The following FLRT2 variants were observed in gnomAD, a reference collection of about 807,000 sequenced individuals.
FLRT2 encodes the protein leucine-rich repeat transmembrane protein FLRT2.
Under a neutral mutation model 40.0 loss-of-function variants are expected in FLRT2, and 15 were observed. That is an observed-to-expected ratio of 0.38 (90% CI 0.25 to 0.58). The LOEUF (loss-of-function observed/expected upper bound fraction) is 0.58. Among genes scored for constraint, FLRT2 ranks in the 20% least tolerant of loss-of-function variants. The probability of loss-of-function intolerance (pLI) is 0.71; values close to 1 mark genes in which losing one functional copy is unlikely to be tolerated. For missense variants in FLRT2, 726 were observed against 840.0 expected, an observed-to-expected ratio of 0.86 and a Z score of 1.68; for synonymous variants, 380 against 336.8, an observed-to-expected ratio of 1.13 and a Z score of -1.41.
intron 1 of FLRT2, among the ~76,000 whole-genome samples, chr14:85,598,419 C>T (rs544153957): frequency 3.9e-5 from 6 of 152,142 alleles, no homozygotes; most frequent in Non-Finnish European, 8.8e-5. Context: ...AGCCATTATA[C>T]GGGAATTCTA....
chr14:85,586,886 G>C (rs1032358175), intron 1 of FLRT2, among the ~76,000 whole-genome samples: 4 of 152,170 alleles, frequency 2.6e-5, no homozygotes, highest in Admixed American at 2.6e-4. Flanking sequence ...CTCAAAGTCA[G>C]AAGAAAGAAG....
At chr14:85,545,042 T>C (rs573245167) in intron 1 of FLRT2, among the ~76,000 whole-genome samples, 16 of 152,258 alleles carry the variant, frequency 1.1e-4, no homozygotes, top group African/African-American at 3.8e-4. Flanking sequence ...ACACATGAGA[T>C]GATTTTTGAT....
chr14:85,550,682 A>G (rs1267441136), intron 1 of FLRT2, among the ~76,000 whole-genome samples: 1 of 152,196 alleles, frequency 6.6e-6, no homozygotes, highest in African/African-American at 2.4e-5. Flanking sequence ...TTTAAGGCTT[A>G]TCCACAATCT....
intron 1 of FLRT2, among the ~76,000 whole-genome samples, chr14:85,577,973 A>G (rs1595046966): frequency 6.6e-6 from 1 of 151,524 alleles, no homozygotes; most frequent in South Asian, 2.1e-4. Flanking sequence ...AATGGCTATC[A>G]CTGTCTCTGG....
intron 1 of FLRT2, among the ~76,000 whole-genome samples, chr14:85,584,062 A>G (rs1001330652): frequency 6.6e-6 from 1 of 151,642 alleles, no homozygotes; most frequent in African/African-American, 2.4e-5. Flanking sequence ...GGATTTATTT[A>G]TTTATCCCTC....
rs530354679 is a variant in FLRT2, at chr14:85,580,553, C to A, written c.-376-40586C>A. On this transcript the variant is annotated intron_variant, in intron 1 of 1. Transcript: ENST00000330753. ...TGGTTCATAAACCTTAATAGAGTTT[C>A]GTTAAAGTTAACGGTTTGTCTTAGT... 5.9e-5 allele frequency among the ~76,000 whole-genome samples: 9 copies of A among 152,214 alleles called. 1 individual carries two copies. The South Asian group carries it at 1.9e-3, about 32-fold the overall frequency.
chr14:85,600,151 C>T (rs1049426923), intron 1 of FLRT2, among the ~76,000 whole-genome samples: 4 of 152,026 alleles, frequency 2.6e-5, no homozygotes, highest in East Asian at 1.9e-4. Flanking sequence ...TTCATTTGGG[C>T]GATAAGAGGA....
intron 1 of FLRT2, among the ~76,000 whole-genome samples, chr14:85,575,188 G>A (rs1451855445): frequency 6.6e-6 from 1 of 152,192 alleles, no homozygotes; most frequent in Non-Finnish European, 1.5e-5. Flanking sequence ...CTAGCACAGA[G>A]CCTGCAATGG....
At position 85,621,834 on chromosome 14, in the gene FLRT2, T is replaced by G; in HGVS notation, c.320T>G (p.Leu107Arg). The part of the protein sequence containing the change: ...GNQLDEFPMN[L>R]PKNVRVLHLQ... ...CAACTGGACGAATTCCCCATGAACC[T>G]TCCCAAGAATGTCAGAGTTCTCCAT... Residue 107 changes from leucine to arginine, a missense_variant, in exon 2 of 2, where the codon CTT becomes CGT. Around this residue, in one of 3 missense-constraint regions of FLRT2, gnomAD observed 9 missense variants for 28.8 expected, o/e 0.31. Coordinates refer to ENST00000330753, the MANE Select transcript of FLRT2 (RefSeq NM_013231.6). The G allele has an allele frequency of 6.2e-7, 1 of 1,614,110 alleles. No individual in the cohort carries two copies. The highest frequency in any genetic ancestry group is 8.5e-7 in the Non-Finnish European group (1 of 1,180,004).
At chr14:85,544,839 T>C (rs1420097830) in intron 1 of FLRT2, among the ~76,000 whole-genome samples, 1 of 152,224 alleles carries the variant, frequency 6.6e-6, no homozygotes, top group Non-Finnish European at 1.5e-5. Flanking sequence ...TGCATGCAAG[T>C]GGTGTATTTG....
intron 1 of FLRT2, among the ~76,000 whole-genome samples, chr14:85,587,305 AG>A (rs879398490): frequency 0.046 from 6,804 of 149,404 alleles, 186 homozygotes; most frequent in East Asian, 0.077. Flanking sequence ...AAAAAAAAAA[AG>A]AAGAAAGCAG....
At chr14:85,545,852 C>T (rs1231020403) in intron 1 of FLRT2, among the ~76,000 whole-genome samples, 1 of 152,176 alleles carries the variant, frequency 6.6e-6, no homozygotes, top group Non-Finnish European at 1.5e-5. Flanking sequence ...AGATTCACCT[C>T]TTTTTCCCTG....
At chr14:85,566,461 T>C (rs1193472760) in intron 1 of FLRT2, among the ~76,000 whole-genome samples, 1 of 151,920 alleles carries the variant, frequency 6.6e-6, no homozygotes, top group East Asian at 1.9e-4. Context: ...ATCAAGAAAA[T>C]TATCTTGATG....
chr14:85,534,714 C>G (rs1446534294), intron 1 of FLRT2, among the ~76,000 whole-genome samples: 2 of 151,620 alleles, frequency 1.3e-5, no homozygotes, highest in East Asian at 3.9e-4. Flanking sequence ...TGAGTGGCCG[C>G]GTGTGCGCAT....
intron 1 of FLRT2, among the ~76,000 whole-genome samples, chr14:85,608,708 C>G (rs963786126): frequency 2.6e-5 from 4 of 152,158 alleles, no homozygotes; most frequent in Admixed American, 2.6e-4. Flanking sequence ...AGATGACATT[C>G]TTCAGCAATG....
Position 85,587,577 on chromosome 14 carries a change from A to AT in FLRT2, c.-376-33550dup, listed in dbSNP as rs945465204. On this transcript the variant is annotated intron_variant, in intron 1 of 1. Transcript: ENST00000330753. ...AACAAATTAAAGGACTTGACCATGAATTTTTTTTTTTTCTAAGTGAACACT... is the reference window on the plus strand; with the variant it reads ...AACAAATTAAAGGACTTGACCATGAATTTTTTTTTTTTTCTAAGTGAACACT... 1.1e-3 allele frequency among the ~76,000 whole-genome samples: 164 copies of AT among 147,700 alleles called. No individual in the cohort carries two copies. The East Asian group carries it at 0.012, about 11-fold the overall frequency.
intron 1 of FLRT2, among the ~76,000 whole-genome samples, chr14:85,590,593 A>T (rs971966318): frequency 4.6e-5 from 7 of 151,826 alleles, no homozygotes; most frequent in East Asian, 1.9e-4. Flanking sequence ...ATTTTATTTT[A>T]TTTTTATTTT....
Position 85,627,646 on chromosome 14 carries a change from T to G in FLRT2, c.*4149T>G, listed in dbSNP as rs1893746679. 1.2e-5 allele frequency: 2 copies of G among 166,992 alleles called. No homozygotes were observed. Among genetic ancestry groups the G allele is most frequent in the Admixed American group, 1.3e-4 (2 of 15,280 alleles). 10.3% of individuals were successfully genotyped at this position (166,992 alleles called of 1,614,324 possible). A position where few individuals can be genotyped will look rare whatever the true frequency, so the allele number is the denominator to read the frequency against. ...TGTCCCTGGAATGTAAGATTTATAA[T>G]GTTTAAGGCAAGGTGAAGGCATTGC... is the stretch of plus-strand genomic sequence containing the variant. On this transcript the variant is annotated 3_prime_UTR_variant, in exon 2 of 2. Transcript: ENST00000330753.
intron 1 of FLRT2, among the ~76,000 whole-genome samples, chr14:85,553,104 C>T (rs1392266308): frequency 1.3e-5 from 2 of 152,050 alleles, no homozygotes; most frequent in African/African-American, 2.4e-5. Flanking sequence ...ACCCATTGGC[C>T]CTTTTCTTTT....
Sources: allele counts gnomAD v4.1 joint callset (sites outside exome capture counted in the v4.1 genomes callset), GRCh38; gene constraint gnomAD v4.1.1; regional missense constraint gnomAD v4.1.1; transcripts MANE v1.5; gene names NCBI Gene and HGNC (gene_info 2026-07-23, HGNC 2026-07-21).